AGRN: variants seen among roughly 807,000 people sequenced by gnomAD.
The protein encoded by AGRN is agrin proteoglycan.
In AGRN, 106 loss-of-function variants were observed where a neutral mutation model predicts 211.0. The observed-to-expected ratio is 0.50, with a 90% CI of 0.43 to 0.59. The LOEUF is 0.59. Ranked by LOEUF, AGRN falls within the 20% of genes least tolerant of loss-of-function variation. The pLI, the probability that AGRN is intolerant of heterozygous loss-of-function variation, is 0.00. For missense variants in AGRN, 3,040 were observed against 2,982.6 expected (o/e 1.02, Z -0.45); for synonymous variants, 1,525 against 1,332.5 (o/e 1.14, Z -3.15).
intron 35 of AGRN, 51 bp downstream of exon 35, chr1:1,054,602 C>T: frequency 6.5e-7 from 1 of 1,545,726 alleles, no homozygotes. Context: ...CTCATGATAT[C>T]CGAGGGACAG....
rs141603403 is a variant in AGRN at position 1,044,122 on chromosome 1, C to G, written c.2013C>G (p.Ser671=). 2.2e-5 allele frequency: 36 copies of G among 1,613,272 alleles called. No individual in the cohort carries two copies. The highest frequency in any genetic ancestry group is 3.0e-5 in the Non-Finnish European group (35 of 1,179,934). The change falls in exon 11 of 36, where the codon TCC becomes TCG. Residue 671 remains serine, a synonymous_variant. Transcript: ENST00000379370. ...AGPCEQAECG[S]GGSGSGEDGD... is the part of the protein sequence containing the mutation. ...CCTTCCCCGCAGCCGAGTGCGGTTC[C>G]GGAGGCTCTGGCTCTGGGGAGGACG...
chr1:1,049,743 C>A lies in AGRN; in HGVS notation c.4692C>A (p.Cys1564Ter). The A allele has an allele frequency of 1.3e-6, 2 of 1,580,968 alleles. No individual in the cohort carries two copies. The highest frequency in any genetic ancestry group is 1.7e-6 in the Non-Finnish European group (2 of 1,165,558). The stretch of plus-strand genomic sequence containing the variant: ...ACCCCTGCCATGGCGGGGCCCCATG[C>A]CAGAACCTGGAGGCTGGAAGGTTCC... The part of the protein sequence containing the change: ...LPNPCHGGAP[C>*]QNLEAGRFHC... Residue 1564 changes from cysteine to a stop codon, truncating the protein, a stop_gained, in exon 26 of 36, where the codon TGC (cysteine) becomes TGA (stop). Coordinates refer to ENST00000379370, the MANE Select transcript of AGRN (RefSeq NM_198576.4). LOFTEE classifies it high-confidence loss of function.
chr1:1,054,484 G>A lies in AGRN; in HGVS notation c.5913G>A (p.Glu1971=), dbSNP rs763680402. The A allele has an allele frequency of 1.9e-6, 3 of 1,601,886 alleles. No homozygotes were observed. In the East Asian group the frequency reaches 6.8e-5, roughly 36 times the overall value. ...QREGSLQVGN[E]APVTGSSPLG... ...AAGGTTCCCTGCAGGTGGGCAATGAGGCCCCTGTGACCGGCTCCTCCCCGC... is the reference window on the plus strand; with the variant it reads ...AAGGTTCCCTGCAGGTGGGCAATGAAGCCCCTGTGACCGGCTCCTCCCCGC... Residue 1971 remains glutamate, a synonymous_variant, in exon 35 of 36, where the codon GAG becomes GAA. Coordinates refer to ENST00000379370, the MANE Select transcript of AGRN (RefSeq NM_198576.4).
In AGRN at chr1:1,041,274, C is replaced by G. The variant is rs1256837701; in HGVS notation, c.829C>G (p.Arg277Gly). 3.3e-6 allele frequency: 5 copies of G among 1,508,860 alleles called. No homozygotes were observed. In the African/African-American group the frequency reaches 5.7e-5, roughly 17 times the overall value. The allele number at this position is 1,508,860 out of a possible 1,614,324, so 93.5% of individuals were successfully genotyped here. The change falls in exon 5 of 36, where the codon CGT becomes GGT. Residue 277 changes from arginine to glycine, a missense_variant. Physicochemically the swap from Arg to Gly is moderately radical, Grantham distance 125. Around this residue, in one of 3 missense-constraint regions of AGRN, gnomAD observed 1,498 missense variants for 1,457.8 expected, o/e 1.03. Coordinates refer to ENST00000379370, the MANE Select transcript of AGRN (RefSeq NM_198576.4). Reference protein sequence around the residue: ...TASCLCPATCRGAPEGTVCGS... With the variant: ...TASCLCPATCGGAPEGTVCGS... ...CTCGTGCCTGTGCCCCGCGACCTGC[C>G]GTGGCGCCCCCGAGGGGACCGTCTG... is the stretch of plus-strand genomic sequence containing the variant.
At chr1:1,028,507 C>T (rs572601278) in intron 2 of AGRN, among the ~76,000 whole-genome samples, 1 of 145,742 alleles carries the variant, frequency 6.9e-6, no homozygotes, top group African/African-American at 2.5e-5. Context: ...CCACCCTTTC[C>T]GAAGGAACCG....
Position 1,049,111 on chromosome 1 carries a change from C to T in AGRN, c.4298+52C>T, listed in dbSNP as rs1460725255. 43 of 342,468 alleles carry T rather than the reference C, an allele frequency of 1.3e-4. 1 individual carries two copies. Among genetic ancestry groups the T allele is most frequent in the African/African-American group, 4.4e-4 (6 of 13,582 alleles). The allele number at this position is 342,468 out of a possible 1,614,324, so 21.2% of individuals were successfully genotyped here. On this transcript the variant is annotated intron_variant, in intron 24 of 35. Transcript: ENST00000379370. ...GCAGCTCAGGTGGGCGGGGAGGGGACGGGCGGGGGAGGGGGGGCCGGGGCA... is the reference window on the plus strand; with the variant it reads ...GCAGCTCAGGTGGGCGGGGAGGGGATGGGCGGGGGAGGGGGGGCCGGGGCA...
At chr1:1,033,207 G>T (rs1254868370) in intron 2 of AGRN, among the ~76,000 whole-genome samples, 2 of 152,008 alleles carry the variant, frequency 1.3e-5, no homozygotes, top group African/African-American at 4.8e-5. Flanking sequence ...GGGCGCCGGC[G>T]ACTGGAGGAG....
rs2488999 is a variant in AGRN at position 1,047,744 on chromosome 1, C to A, written c.3632-32C>A. ...GGCAATGGGTGGGGGATGCCTGGGGCTCTGCCATGCTCAGAGCTCCCTCCT... is the reference window on the plus strand; with the variant it reads ...GGCAATGGGTGGGGGATGCCTGGGGATCTGCCATGCTCAGAGCTCCCTCCT... On this transcript the variant is annotated intron_variant, in intron 21 of 35. Transcript: ENST00000379370. The A allele has an allele frequency of 1.1e-4, 184 of 1,611,360 alleles. No individual in the cohort carries two copies. The African/African-American group carries it at 2.2e-3, about 19-fold the overall frequency.
intron 2 of AGRN, among the ~76,000 whole-genome samples, chr1:1,028,201 C>G (rs928067302): frequency 6.6e-6 from 1 of 152,144 alleles, no homozygotes; most frequent in Non-Finnish European, 1.5e-5. Flanking sequence ...GGACACGGGG[C>G]GGAAGAGAGG....
At position 1,047,687 on chromosome 1, in the gene AGRN, A is replaced by G. The variant is rs1645139427; in HGVS notation, c.3631A>G (p.Thr1211Ala). The G allele has an allele frequency of 1.2e-6, 2 of 1,612,882 alleles. No homozygotes were observed. The highest frequency in any genetic ancestry group is 1.3e-5 in the African/African-American group (1 of 74,914). Residue 1211 changes from threonine (T) to alanine (A), a missense_variant and splice_region_variant, in exon 21 of 36, where the codon ACC becomes GCC. Coordinates refer to ENST00000379370, the MANE Select transcript of AGRN (RefSeq NM_198576.4). ...RAIVDVHFDP[T>A]TAFRAPDVAR... Reference sequence around the variant, plus strand: ...CATTGTGGATGTGCACTTTGACCCCAGTGAGACCTGCACCCTGGACCCTTC... The same window carrying G: ...CATTGTGGATGTGCACTTTGACCCCGGTGAGACCTGCACCCTGGACCCTTC...
intron 12 of AGRN, among the ~76,000 whole-genome samples, chr1:1,044,918 C>T (rs1047097312): frequency 1.3e-5 from 2 of 152,190 alleles, no homozygotes; most frequent in Non-Finnish European, 2.9e-5. Context: ...CACAGAGCTG[C>T]GTGTCCGTGA....
At chr1:1,051,703 C>T (rs1420248433) in intron 32 of AGRN, 25 bp from the exon 33 acceptor site, 1 of 1,613,358 alleles carries the variant, frequency 6.2e-7, no homozygotes, top group South Asian at 1.1e-5. Context: ...CCACGAGGCC[C>T]CACCCTCACC....
At chr1:1,053,351 C>T (rs563910688) in intron 33 of AGRN, 10 of 1,011,124 alleles carry the variant, frequency 9.9e-6, no homozygotes, top group Admixed American at 3.5e-5. Flanking sequence ...CTCGAGGTCA[C>T]GCATGTCTTC....
At chr1:1,041,439 C>T (rs1355539830) in intron 5 of AGRN, 39 bp from the exon 6 acceptor site, 20 of 1,555,430 alleles carry the variant, frequency 1.3e-5, no homozygotes, top group Admixed American at 3.8e-5. Flanking sequence ...TCTGTGGGCG[C>T]GCGGCGACAG....
At position 1,042,076 on chromosome 1, in the gene AGRN, G is replaced by A. The variant is rs1416361848; in HGVS notation, c.1298G>A (p.Gly433Glu). 6 of 1,606,364 alleles carry A rather than the reference G, an allele frequency of 3.7e-6. No individual in the cohort carries two copies. Among genetic ancestry groups the A allele is most frequent in the Non-Finnish European group, 5.1e-6 (6 of 1,179,394 alleles). The change falls in exon 7 of 36, where the codon GGG becomes GAG. Residue 433 changes from glycine (G) to glutamate (E), a missense_variant. Gly to Glu is a moderately conservative substitution (Grantham distance 98, BLOSUM62 -2). This residue lies in a region of AGRN where 1,498 missense variants were observed against 1,457.8 expected (regional missense o/e 1.03). Transcript: ENST00000379370. ...GAYRPVCAQD[G>E]RTYDSDCWRQ... The stretch of plus-strand genomic sequence containing the variant: ...TACAGGCCCGTGTGTGCCCAGGACG[G>A]GCGCACGTATGACAGTGATTGCTGG...
intron 4 of AGRN, 119 bp downstream of exon 4, chr1:1,040,999 G>T: frequency 3.0e-6 from 1 of 331,056 alleles, no homozygotes; most frequent in Admixed American, 6.4e-5. Flanking sequence ...CGGCGGGGAG[G>T]AGCGGGGCTG....
intron 7 of AGRN, among the ~76,000 whole-genome samples, chr1:1,042,705 A>T (rs568361260): frequency 1.3e-5 from 2 of 152,278 alleles, no homozygotes; most frequent in East Asian, 1.9e-4. Flanking sequence ...ACCTGCTGGC[A>T]GGATGAGGTG....
At chr1:1,045,699 C>T (rs747388954) in intron 14 of AGRN, 34 bp from the exon 15 acceptor site, 19 of 1,612,944 alleles carry the variant, frequency 1.2e-5, no homozygotes, top group East Asian at 8.9e-5. Context: ...CGTCCAGGTG[C>T]GGACATCACG....
intron 2 of AGRN, 105 bp from the exon 3 acceptor site, chr1:1,035,166 CGGTGGG>C: frequency 9.9e-7 from 1 of 1,012,482 alleles, no homozygotes; most frequent in Non-Finnish European, 1.4e-6. Context: ...CTGGGGCTAG[CGGTGGG>C]GGGGGGGGGG....
Sources: gnomAD v4.1 joint callset for allele counts (sites outside exome capture counted in the v4.1 genomes callset) on GRCh38, gnomAD v4.1.1 for gene constraint, gnomAD v4.1.1 regional missense constraint, MANE v1.5 for transcripts, NCBI Gene and HGNC (gene_info 2026-07-23, HGNC 2026-07-21) for gene names.